Variants in MPPED2 observed in about 807,000 individuals in gnomAD.
The protein encoded by MPPED2 is metallophosphoesterase domain containing 2, also known as metallophosphoesterase MPPED2.
In MPPED2, 5 loss-of-function variants were observed where a neutral mutation model predicts 33.0. That is an observed-to-expected ratio of 0.15 (90% CI 0.08 to 0.32). MPPED2 has a LOEUF of 0.32. MPPED2 is among the 10% of genes least tolerant of loss of function. The pLI is 1.00. For synonymous variants in MPPED2, 136 were observed against 141.9 expected (o/e 0.96, Z 0.29); for missense variants, 275 against 372.1 (o/e 0.74, Z 2.15).
intron 3 of MPPED2, among the ~76,000 whole-genome samples, chr11:30,509,844 T>C (rs1413028342): frequency 6.6e-6 from 1 of 152,188 alleles, no homozygotes; most frequent in African/African-American, 2.4e-5. Flanking sequence ...CTAAAATGAC[T>C]CCTCCAAGGT....
At chr11:30,476,312 T>C (rs1398652338) in intron 4 of MPPED2, among the ~76,000 whole-genome samples, 2 of 152,036 alleles carry the variant, frequency 1.3e-5, no homozygotes, top group South Asian at 2.1e-4. Flanking sequence ...GTTTTTTGTG[T>C]CCGAATCTAA....
chr11:30,493,015 T>C (rs1021126897), intron 4 of MPPED2, among the ~76,000 whole-genome samples: 20 of 152,128 alleles, frequency 1.3e-4, no homozygotes, highest in African/African-American at 4.1e-4. Flanking sequence ...AGTACTTAAT[T>C]AAGAGTTCAA....
chr11:30,566,710 T>C (rs549824554), intron 2 of MPPED2, among the ~76,000 whole-genome samples: 4 of 152,208 alleles, frequency 2.6e-5, no homozygotes, highest in African/African-American at 9.6e-5. Flanking sequence ...AGCATTGTGA[T>C]AGGTGTTGTG....
At chr11:30,503,971 A>T (rs540497127) in intron 3 of MPPED2, among the ~76,000 whole-genome samples, 1 of 152,328 alleles carries the variant, frequency 6.6e-6, no homozygotes, top group African/African-American at 2.4e-5. Context: ...GTTGGGATTT[A>T]AAAGAATCAA....
At chr11:30,396,360 A>G (rs1947840104) in intron 6 of MPPED2, among the ~76,000 whole-genome samples, 1 of 152,138 alleles carries the variant, frequency 6.6e-6, no homozygotes, top group Admixed American at 6.6e-5. Flanking sequence ...GCCTGTATAT[A>G]CCTGCAGTTT....
intron 4 of MPPED2, among the ~76,000 whole-genome samples, chr11:30,426,564 T>C (rs991083075): frequency 5.3e-5 from 8 of 152,168 alleles, no homozygotes; most frequent in Non-Finnish European, 1.0e-4. Flanking sequence ...TATACACTCA[T>C]TCAACAGACA....
intron 4 of MPPED2, among the ~76,000 whole-genome samples, chr11:30,419,635 C>T (rs1565049147): frequency 1.3e-5 from 2 of 152,140 alleles, no homozygotes; most frequent in Admixed American, 6.6e-5. Flanking sequence ...CATCCCTGTT[C>T]TAGAATGAGT....
At chr11:30,421,794 C>A (rs894616309) in intron 4 of MPPED2, among the ~76,000 whole-genome samples, 1 of 152,192 alleles carries the variant, frequency 6.6e-6, no homozygotes, top group Non-Finnish European at 1.5e-5. Flanking sequence ...CTGCTCCATA[C>A]AGAATCTTAG....
intron 4 of MPPED2, among the ~76,000 whole-genome samples, chr11:30,420,871 T>C (rs1246277657): frequency 6.6e-6 from 1 of 152,164 alleles, no homozygotes; most frequent in African/African-American, 2.4e-5. Flanking sequence ...TTCCCCTTTA[T>C]TTTACAGTGA....
intron 4 of MPPED2, among the ~76,000 whole-genome samples, chr11:30,434,376 C>CT (rs1949224491): frequency 6.6e-6 from 1 of 152,110 alleles, no homozygotes; most frequent in Non-Finnish European, 1.5e-5. Context: ...ACCAGCTCAT[C>CT]CACAATAGCC....
At chr11:30,508,775 C>T (rs1952980176) in intron 3 of MPPED2, among the ~76,000 whole-genome samples, 1 of 151,964 alleles carries the variant, frequency 6.6e-6, no homozygotes, top group African/African-American at 2.4e-5. Flanking sequence ...GTGTGTAGAA[C>T]TCTCTGTGCC....
At chr11:30,565,976 G>A (rs1956424238) in intron 2 of MPPED2, among the ~76,000 whole-genome samples, 1 of 151,554 alleles carries the variant, frequency 6.6e-6, no homozygotes, top group South Asian at 2.1e-4. Flanking sequence ...ACAGATTTTT[G>A]TCAAAAAAGT....
chr11:30,566,815 A>T (rs1160114760), intron 2 of MPPED2, among the ~76,000 whole-genome samples: 1 of 152,196 alleles, frequency 6.6e-6, no homozygotes, highest in Non-Finnish European at 1.5e-5. Context: ...TTCACCAACA[A>T]TTCAAGAATA....
At chr11:30,468,518 G>A (rs908194528) in intron 4 of MPPED2, among the ~76,000 whole-genome samples, 1 of 152,130 alleles carries the variant, frequency 6.6e-6, no homozygotes, top group Non-Finnish European at 1.5e-5. Context: ...TTAAGGGAGA[G>A]TGAAAGAGAG....
At chr11:30,496,473 TTTTTA>T (rs1466622226) in intron 3 of MPPED2, among the ~76,000 whole-genome samples, 12 of 152,300 alleles carry the variant, frequency 7.9e-5, no homozygotes, top group African/African-American at 2.6e-4. Context: ...CATCTGCTGC[TTTTTA>T]TTTTATTTTA....
At chr11:30,569,607 G>A (rs1295940394) in intron 2 of MPPED2, among the ~76,000 whole-genome samples, 1 of 152,116 alleles carries the variant, frequency 6.6e-6, no homozygotes, top group Non-Finnish European at 1.5e-5. Context: ...GCGAACCTTG[G>A]GAAATCACAA....
chr11:30,519,844 A>T (rs1402140715), intron 3 of MPPED2, among the ~76,000 whole-genome samples: 1 of 152,124 alleles, frequency 6.6e-6, no homozygotes, highest in East Asian at 1.9e-4. Context: ...TTCTAAATTG[A>T]GGTAATAAAG....
chr11:30,517,010 G>A (rs1200966584), intron 3 of MPPED2, among the ~76,000 whole-genome samples: 1 of 152,060 alleles, frequency 6.6e-6, no homozygotes, highest in East Asian at 1.9e-4. Context: ...ATAATGGAAT[G>A]GCGATAAAAC....
At chr11:30,551,046 A>G (rs1955687062) in intron 2 of MPPED2, among the ~76,000 whole-genome samples, 1 of 152,176 alleles carries the variant, frequency 6.6e-6, no homozygotes, top group Admixed American at 6.5e-5. Flanking sequence ...ATTCATTCTC[A>G]TCTTATCAGT....
Sources: gnomAD v4.1 joint callset for allele counts (sites outside exome capture counted in the v4.1 genomes callset) on GRCh38, gnomAD v4.1.1 for gene constraint, MANE v1.5 for transcripts, NCBI Gene and HGNC (gene_info 2026-07-23, HGNC 2026-07-21) for gene names.